The following FYB1 variants were observed in gnomAD, a reference collection of about 807,000 sequenced individuals.
FYB1 encodes FYN-binding protein 1.
Under a neutral mutation model 94.1 loss-of-function variants are expected in FYB1, and 41 were observed. The ratio of observed to expected loss-of-function variants is 0.44; its 90% CI spans 0.34 to 0.57. The LOEUF is 0.57. FYB1 is among the 20% of genes least tolerant of loss of function. FYB1 has a pLI of 0.02. For synonymous variants in FYB1, 367 were observed against 353.2 expected (o/e 1.04, Z -0.44); for missense variants, 1,050 against 976.8 (o/e 1.07, Z -1.00).
intron 3 of FYB1, among the ~76,000 whole-genome samples, chr5:39,145,794 C>G (rs1346596867): frequency 6.6e-6 from 1 of 152,128 alleles, no homozygotes; most frequent in Non-Finnish European, 1.5e-5. Context: ...AACTCACATG[C>G]TGTCTGAACT....
At chr5:39,184,731 A>G (rs977180788) in intron 2 of FYB1, among the ~76,000 whole-genome samples, 8 of 152,144 alleles carry the variant, frequency 5.3e-5, no homozygotes, top group African/African-American at 1.9e-4. Context: ...CTCTTCAATA[A>G]ATGTATACAT....
At chr5:39,207,520 A>G (rs1748967169) in intron 1 of FYB1, among the ~76,000 whole-genome samples, 2 of 152,212 alleles carry the variant, frequency 1.3e-5, no homozygotes, top group South Asian at 4.1e-4. Flanking sequence ...AATCTGCATA[A>G]AAGTAATGAA....
intron 1 of FYB1, among the ~76,000 whole-genome samples, chr5:39,252,160 TAAATAAA>T: frequency 6.6e-6 from 1 of 150,610 alleles, no homozygotes; most frequent in East Asian, 1.9e-4. Context: ...AGTAAATAAA[TAAATAAA>T]AAATAAAAAA....
At chr5:39,192,887 T>A (rs1050569656) in intron 2 of FYB1, among the ~76,000 whole-genome samples, 3 of 152,234 alleles carry the variant, frequency 2.0e-5, no homozygotes, top group Admixed American at 2.0e-4. Flanking sequence ...AGTTGAGGAA[T>A]CTACCTTTCT....
intron 3 of FYB1, among the ~76,000 whole-genome samples, chr5:39,150,600 A>T (rs1413361123): frequency 6.6e-6 from 1 of 152,184 alleles, no homozygotes; most frequent in East Asian, 1.9e-4. Flanking sequence ...CAGCCTCCTC[A>T]TGGTGGTGCT....
At chr5:39,133,025 A>G (rs1741343941) in intron 9 of FYB1, among the ~76,000 whole-genome samples, 1 of 152,232 alleles carries the variant, frequency 6.6e-6, no homozygotes. Context: ...TGTTTAGAAC[A>G]TGGTAAGAAG....
intron 2 of FYB1, among the ~76,000 whole-genome samples, chr5:39,197,827 G>A (rs535542891): frequency 6.6e-6 from 1 of 152,324 alleles, no homozygotes; most frequent in African/African-American, 2.4e-5. Flanking sequence ...TTTGCTGTAG[G>A]GAAGGAGGCA....
chr5:39,160,248 G>T (rs1744129136), intron 2 of FYB1, among the ~76,000 whole-genome samples: 2 of 152,142 alleles, frequency 1.3e-5, no homozygotes, highest in African/African-American at 4.8e-5. Context: ...TCTGACACAT[G>T]GTATGGTAGT....
In FYB1 at chr5:39,201,995, C is replaced by T. The variant is rs374269451; in HGVS notation, c.966G>A (p.Val322=). The T allele has an allele frequency of 1.4e-5, 23 of 1,613,926 alleles. No individual in the cohort carries two copies. Among genetic ancestry groups the T allele is most frequent in the Non-Finnish European group, 1.9e-5 (22 of 1,179,910 alleles). Residue 322 remains valine (V), a synonymous_variant, in exon 2 of 19, where the codon GTG becomes GTA. Transcript: ENST00000512982. Reference sequence around the variant, plus strand: ...CCTGACTTTGGCCCCATGGCCCCCCCACTGTCAGCTTAGAAGGGGCCTTAG... The same window carrying T: ...CCTGACTTTGGCCCCATGGCCCCCCTACTGTCAGCTTAGAAGGGGCCTTAG... ...RFPKAPSKLT[V]GGPWGQSQEK...
chr5:39,163,676 C>T (rs949473055), intron 2 of FYB1, among the ~76,000 whole-genome samples: 2 of 151,984 alleles, frequency 1.3e-5, no homozygotes, highest in Non-Finnish European at 2.9e-5. Context: ...TCAAATTAGG[C>T]GGTAATTAGA....
At position 39,270,926 on chromosome 5, in the gene FYB1, A is replaced by ATGTG. The variant is rs4018945; in HGVS notation, c.-28+3473_-28+3476dup. On this transcript the variant is annotated intron_variant, in intron 1 of 1. Coordinates refer to the FYB1 transcript ENST00000510188. ...ATAACTTCTATATTTTTGGATACAT[A>ATGTG]TGTGTGTGTGTGTGTGTGTGTGTCT... is the stretch of plus-strand genomic sequence containing the variant. 0.34 allele frequency: 56,374 copies of ATGTG among 166,168 alleles called. 9,190 individuals carry two copies. The highest frequency in any genetic ancestry group is 0.39 in the Non-Finnish European group (30,650 of 78,588). 10.3% of individuals were successfully genotyped at this position (166,168 alleles called of 1,614,324 possible). A position where few individuals can be genotyped will look rare whatever the true frequency, so the allele number is the denominator to read the frequency against.
intron 1 of FYB1, among the ~76,000 whole-genome samples, chr5:39,212,348 G>A (rs1430492605): frequency 6.6e-6 from 1 of 152,058 alleles, no homozygotes; most frequent in Admixed American, 6.6e-5. Flanking sequence ...GCATGTGGCA[G>A]CTTCTAGTCA....
chr5:39,148,988 G>C (rs1005981105), intron 3 of FYB1, among the ~76,000 whole-genome samples: 4 of 152,074 alleles, frequency 2.6e-5, no homozygotes, highest in Non-Finnish European at 4.4e-5. Flanking sequence ...ACACTAAAAG[G>C]TGTTGATTTG....
intron 16 of FYB1, chr5:39,110,752 A>G (rs762724240): frequency 1.5e-5 from 5 of 333,950 alleles, no homozygotes; most frequent in Non-Finnish European, 2.8e-5. Context: ...CATAGATTAT[A>G]AAAGTCATTT....
intron 1 of FYB1, among the ~76,000 whole-genome samples, chr5:39,262,708 A>G (rs1752273983): frequency 6.6e-6 from 1 of 152,202 alleles, no homozygotes; most frequent in Admixed American, 6.5e-5. Flanking sequence ...AATAAATTAC[A>G]ATAGAATTAC....
chr5:39,259,314 C>T (rs941591914), intron 1 of FYB1, among the ~76,000 whole-genome samples: 3 of 152,218 alleles, frequency 2.0e-5, no homozygotes, highest in Non-Finnish European at 2.9e-5. Flanking sequence ...AAACCCTGGA[C>T]TAAGTACAGC....
chr5:39,149,772 C>G (rs1206996787), intron 3 of FYB1, among the ~76,000 whole-genome samples: 1 of 152,134 alleles, frequency 6.6e-6, no homozygotes, highest in Non-Finnish European at 1.5e-5. Context: ...TCCTGGGCTT[C>G]CAAGACCCCG....
At chr5:39,228,087 G>A (rs1750561335) in intron 1 of FYB1, among the ~76,000 whole-genome samples, 1 of 152,102 alleles carries the variant, frequency 6.6e-6, no homozygotes, top group South Asian at 2.1e-4. Flanking sequence ...CAGAGGCAAA[G>A]GATAACTTTT....
At chr5:39,152,248 C>T (rs1049811923) in intron 3 of FYB1, among the ~76,000 whole-genome samples, 1 of 152,214 alleles carries the variant, frequency 6.6e-6, no homozygotes, top group African/African-American at 2.4e-5. Flanking sequence ...GCACCTTCTA[C>T]TTACTATCCT....
Sources: gnomAD v4.1 joint callset for allele counts (sites outside exome capture counted in the v4.1 genomes callset) on GRCh38, gnomAD v4.1.1 for gene constraint, MANE v1.5 for transcripts, NCBI Gene and HGNC (gene_info 2026-07-23, HGNC 2026-07-21) for gene names.